Variants in CADM2 observed in about 807,000 individuals in gnomAD.
CADM2 encodes the protein cell adhesion molecule 2.
Under a neutral mutation model 49.8 loss-of-function variants are expected in CADM2, and 12 were observed. The ratio of observed to expected loss-of-function variants is 0.24; its 90% confidence interval spans 0.15 to 0.39. The LOEUF is 0.39. Ranked by LOEUF, CADM2 falls within the 10% of genes least tolerant of loss-of-function variation. The pLI is 1.00. For missense variants in CADM2, 378 were observed against 492.3 expected, an observed-to-expected ratio of 0.77 and a Z score of 2.20; for synonymous variants, 214 against 175.4, an observed-to-expected ratio of 1.22 and a Z score of -1.74.
chr3:85,070,015 TTC>T (rs907322646), intron 1 of CADM2, among the ~76,000 whole-genome samples: 4 of 152,160 alleles, frequency 2.6e-5, no homozygotes, highest in Non-Finnish European at 5.9e-5. Context: ...TGCAATCACA[TTC>T]TGTTTTCTGT....
Position 85,236,847 on chromosome 3 carries a change from G to A in CADM2, c.61+277179G>A, listed in dbSNP as rs769234721. On this transcript the variant is annotated intron_variant, in intron 1 of 9. Coordinates refer to ENST00000383699, the MANE Select transcript of CADM2 (RefSeq NM_001167675.2). ...AGAGAAATGCTTAGCAGGAAGGGCT[G>A]TAGTAACAGAAAGGACAGACAATTT... Among the ~76,000 whole-genome samples the A allele has an allele frequency of 3.6e-4, 55 of 152,030 alleles. 1 individual carries two copies. The highest frequency in any genetic ancestry group is 1.9e-3 in the Admixed American group (29 of 15,222).
At chr3:84,973,060 C>T (rs1231781390) in intron 1 of CADM2, among the ~76,000 whole-genome samples, 1 of 152,070 alleles carries the variant, frequency 6.6e-6, no homozygotes, top group Non-Finnish European at 1.5e-5. Context: ...ACTACAGGCA[C>T]GTGCCACCAC....
chr3:85,158,226 CTT>C (rs927789405), intron 1 of CADM2, among the ~76,000 whole-genome samples: 53 of 152,280 alleles, frequency 3.5e-4, no homozygotes, highest in African/African-American at 1.3e-3. Context: ...AATAGGAACA[CTT>C]TTACACTGTT....
chr3:85,555,990 T>C (rs775139099), intron 1 of CADM2, among the ~76,000 whole-genome samples: 9 of 152,100 alleles, frequency 5.9e-5, no homozygotes, highest in Non-Finnish European at 1.0e-4. Context: ...TTTTATTTTA[T>C]GTAAAATTGG....
Position 86,025,910 on chromosome 3 carries a change from T to C in CADM2, c.971-39695T>C, listed in dbSNP as rs532780381. Among the ~76,000 whole-genome samples the C allele has an allele frequency of 4.6e-5, 7 of 152,268 alleles. No homozygotes were observed. The East Asian group carries it at 1.4e-3, about 29-fold the overall frequency. ...AGTCAATTTAAACAGGTGAAAGTAA[T>C]ATAATGTGGCTCAAAGGAATCTTGA... On this transcript the variant is annotated intron_variant, in intron 8 of 9. Coordinates refer to ENST00000383699, the MANE Select transcript of CADM2 (RefSeq NM_001167675.2).
rs577628572 is a variant in CADM2, at chr3:85,543,456, G to T, written c.62-183066G>T. Among the ~76,000 whole-genome samples the T allele has an allele frequency of 8.1e-5, 12 of 147,728 alleles. 1 individual carries two copies. In the East Asian group the frequency reaches 2.0e-3, roughly 24 times the overall value. On this transcript the variant is annotated intron_variant, in intron 1 of 9. Coordinates refer to ENST00000383699, the MANE Select transcript of CADM2 (RefSeq NM_001167675.2). ...TGTGTGTGTGTGTGTGTGTGTGTGT[G>T]TATTTTTAGTAGAAACGGGGTTTTA...
chr3:85,697,618 G>A (rs890927134), intron 1 of CADM2, among the ~76,000 whole-genome samples: 2 of 152,102 alleles, frequency 1.3e-5, no homozygotes, highest in Non-Finnish European at 2.9e-5. Flanking sequence ...TTATTTGTTG[G>A]TGTGGTAGTA....
intron 1 of CADM2, among the ~76,000 whole-genome samples, chr3:85,321,091 CATATATATAT>C (rs1227890094): frequency 6.2e-5 from 4 of 64,762 alleles, no homozygotes; most frequent in East Asian, 1.0e-3. Flanking sequence ...TAGATATATA[CATATATATAT>C]ATATATATAT....
At chr3:85,694,247 G>A (rs963589633) in intron 1 of CADM2, among the ~76,000 whole-genome samples, 3 of 152,126 alleles carry the variant, frequency 2.0e-5, no homozygotes, top group Non-Finnish European at 4.4e-5. Context: ...TGACATCTTT[G>A]ATGTGACTGT....
At chr3:85,892,440 C>T (rs78553570) in intron 5 of CADM2, among the ~76,000 whole-genome samples, 2,092 of 152,276 alleles carry the variant, frequency 0.014, 43 homozygotes, top group East Asian at 0.11. Flanking sequence ...CCACAATCCC[C>T]GTATGTCATG....
At chr3:85,521,544 C>A (rs1310688695) in intron 1 of CADM2, among the ~76,000 whole-genome samples, 1 of 152,090 alleles carries the variant, frequency 6.6e-6, no homozygotes, top group Non-Finnish European at 1.5e-5. Flanking sequence ...TCCCTGAAAG[C>A]AATTCTTTTC....
intron 3 of CADM2, among the ~76,000 whole-genome samples, chr3:85,818,438 A>G (rs1486813166): frequency 6.6e-6 from 1 of 152,166 alleles, no homozygotes; most frequent in Non-Finnish European, 1.5e-5. Context: ...GCAGCTACTT[A>G]TACTGGCAGC....
At chr3:85,441,741 T>C (rs1301842206) in intron 1 of CADM2, among the ~76,000 whole-genome samples, 1 of 152,038 alleles carries the variant, frequency 6.6e-6, no homozygotes, top group Non-Finnish European at 1.5e-5. Context: ...GATAATTACA[T>C]GTGAAAGAAA....
intron 1 of CADM2, among the ~76,000 whole-genome samples, chr3:85,649,663 G>C (rs1007189884): frequency 6.6e-6 from 1 of 152,144 alleles, no homozygotes; most frequent in Non-Finnish European, 1.5e-5. Flanking sequence ...TAACAATGCA[G>C]GTACCAGGAC....
At chr3:85,293,720 C>A (rs1421206728) in intron 1 of CADM2, among the ~76,000 whole-genome samples, 1 of 147,826 alleles carries the variant, frequency 6.8e-6, no homozygotes, top group Non-Finnish European at 1.5e-5. Context: ...CAGAAAAAGC[C>A]TTTGACAAAA....
At chr3:85,301,744 G>A (rs2044106007) in intron 1 of CADM2, among the ~76,000 whole-genome samples, 1 of 151,910 alleles carries the variant, frequency 6.6e-6, no homozygotes, top group Non-Finnish European at 1.5e-5. Context: ...CAGGCATTCT[G>A]CAAAGCAGCT....
At position 85,981,623 on chromosome 3, in the gene CADM2, C is replaced by A. The variant is rs191537685; in HGVS notation, c.970+19976C>A. 3.5e-3 allele frequency among the ~76,000 whole-genome samples: 534 copies of A among 151,702 alleles called. 2 individuals are homozygous for A. Among genetic ancestry groups the A allele is most frequent in the African/African-American group, 0.012 (516 of 41,458 alleles). ...AATGTGCAATATTTGGTTTTCTGTT[C>A]CACATTAATTTGCTTAGAATAATGG... On this transcript the variant is annotated intron_variant, in intron 8 of 9. Transcript: ENST00000383699.
intron 1 of CADM2, among the ~76,000 whole-genome samples, chr3:85,712,998 A>G (rs1218237756): frequency 1.3e-5 from 2 of 152,152 alleles, no homozygotes; most frequent in Non-Finnish European, 2.9e-5. Flanking sequence ...ACTTTTGTGA[A>G]TTTCAGATTG....
chr3:85,623,697 A>G (rs1018861671), intron 1 of CADM2, among the ~76,000 whole-genome samples: 1 of 152,214 alleles, frequency 6.6e-6, no homozygotes, highest in Non-Finnish European at 1.5e-5. Context: ...AGTTTGATAT[A>G]TAAACCCAAA....
Sources: allele counts gnomAD v4.1 joint callset (sites outside exome capture counted in the v4.1 genomes callset), GRCh38; gene constraint gnomAD v4.1.1; transcripts MANE v1.5; gene names NCBI Gene and HGNC (gene_info 2026-07-23, HGNC 2026-07-21).